FLNB: variants seen among roughly 807,000 people sequenced by gnomAD.
FLNB encodes the protein filamin B.
A neutral mutation model predicts 250.6 loss-of-function variants in FLNB; 111 were observed. The observed-to-expected ratio is 0.44, with a 90% confidence interval of 0.38 to 0.52. FLNB has a LOEUF of 0.52. Among genes scored for constraint, FLNB ranks in the 20% least tolerant of loss-of-function variants. FLNB has a pLI of 0.00. For missense variants in FLNB, 2,869 were observed against 3,447.8 expected, an observed-to-expected ratio of 0.83 and a Z score of 4.20; for synonymous variants, 1,302 against 1,372.1, an observed-to-expected ratio of 0.95 and a Z score of 1.13.
chr3:58,150,336 C>A (rs74875494), intron 38 of FLNB, 109 bp downstream of exon 38: 4 of 1,272,906 alleles, frequency 3.1e-6, no homozygotes, highest in Non-Finnish European at 4.6e-6. Context: ...GTATCCAAGT[C>A]GGCTGTGCTG....
chr3:58,022,378 A>G, intron 1 of FLNB, among the ~76,000 whole-genome samples: 1 of 152,186 alleles, frequency 6.6e-6, no homozygotes, highest in Non-Finnish European at 1.5e-5. Flanking sequence ...CCAGTGGAAC[A>G]CTTCGTTTTT....
intron 2 of FLNB, among the ~76,000 whole-genome samples, 177 bp downstream of exon 2, chr3:58,077,471 G>A (rs1221519317): frequency 6.6e-6 from 1 of 152,210 alleles, no homozygotes; most frequent in Non-Finnish European, 1.5e-5. Context: ...CCTTCCAAGG[G>A]CAGATTTTCT....
chr3:58,019,644 G>C (rs912284083), intron 1 of FLNB, among the ~76,000 whole-genome samples: 1 of 151,762 alleles, frequency 6.6e-6, no homozygotes, highest in Admixed American at 6.6e-5. Flanking sequence ...GTAGTGAGAG[G>C]GTGTAGAAGA....
Position 58,110,144 on chromosome 3 carries a change from A to G in FLNB, c.2458A>G (p.Thr820Ala), listed in dbSNP as rs1328660392. The change falls in exon 16 of 46, where the codon ACT (threonine) becomes GCT (alanine). Residue 820 changes from threonine (T) to alanine (A), a missense_variant. Thr to Ala is a moderately conservative substitution (Grantham distance 58). Transcript: ENST00000295956. Reference protein sequence around the residue: ...KYVPPAAGRYTIKVLFASQEI... With the variant: ...KYVPPAAGRYAIKVLFASQEI... Reference sequence around the variant, plus strand: ...TGTGCCTCCTGCTGCTGGGCGATACACTATCAAAGTTCTCTTTGCATCTCA... The same window carrying G: ...TGTGCCTCCTGCTGCTGGGCGATACGCTATCAAAGTTCTCTTTGCATCTCA... 1.2e-6 allele frequency: 2 copies of G among 1,614,170 alleles called. No homozygotes were observed. The highest frequency in any genetic ancestry group is 3.3e-5 in the Admixed American group (2 of 60,018).
chr3:58,125,313 T>G (rs2097295893), intron 22 of FLNB, among the ~76,000 whole-genome samples: 1 of 152,066 alleles, frequency 6.6e-6, no homozygotes, highest in African/African-American at 2.4e-5. Context: ...TTGTATTTTT[T>G]GTAGAGATGG....
chr3:58,163,171 T>C lies in FLNB; in HGVS notation c.7039T>C (p.Phe2347Leu). The C allele has an allele frequency of 6.2e-7, 1 of 1,614,224 alleles. No individual in the cohort carries two copies. ...ELEPDKYAVR[F>L]IPHENGVHTI... ...TCTCCTAGATAAGTATGCTGTTCGCTTCATCCCTCATGAGAATGGTGTCCA... is the reference window on the plus strand; with the variant it reads ...TCTCCTAGATAAGTATGCTGTTCGCCTCATCCCTCATGAGAATGGTGTCCA... Residue 2347 changes from phenylalanine (F) to leucine (L), a missense_variant, in exon 43 of 46, where the codon TTC (phenylalanine) becomes CTC (leucine). This residue lies in a region of FLNB where 1,084 missense variants were observed against 1,315.5 expected (regional missense o/e 0.82). Coordinates refer to ENST00000295956, the MANE Select transcript of FLNB (RefSeq NM_001457.4).
chr3:58,091,273 A>G (rs1015218951), intron 4 of FLNB, among the ~76,000 whole-genome samples: 2 of 152,238 alleles, frequency 1.3e-5, no homozygotes, highest in South Asian at 4.1e-4. Flanking sequence ...ACATGGAGGA[A>G]TCAGCCTTCC....
intron 18 of FLNB, among the ~76,000 whole-genome samples, chr3:58,115,364 G>A (rs968629746): frequency 3.3e-5 from 5 of 152,188 alleles, no homozygotes; most frequent in African/African-American, 9.7e-5. Flanking sequence ...AAAACATTTT[G>A]TGACTTCTGC....
chr3:58,096,210 C>A lies in FLNB; in HGVS notation c.976C>A (p.Leu326Ile). 6.2e-7 allele frequency: 1 copy of A among 1,613,192 alleles called. No individual in the cohort carries two copies. Among genetic ancestry groups the A allele is most frequent in the Non-Finnish European group, 8.5e-7 (1 of 1,179,210 alleles). The change falls in exon 6 of 46, where the codon CTA becomes ATA. Residue 326 changes from leucine (L) to isoleucine (I), a missense_variant. By Grantham distance (5) the Leu-to-Ile change is conservative. Coordinates refer to ENST00000295956, the MANE Select transcript of FLNB (RefSeq NM_001457.4). ...SVEYLPKVTG[L>I]HKVTVLFAGQ... ...GGAGTATCTGCCCAAGGTCACCGGG[C>A]TACACAAAGTAAGATGAAGCAGCAT...
intron 1 of FLNB, among the ~76,000 whole-genome samples, chr3:58,017,768 C>A (rs1440594062): frequency 6.6e-6 from 1 of 152,112 alleles, no homozygotes; most frequent in Non-Finnish European, 1.5e-5. Flanking sequence ...ACAGCATTTA[C>A]CAAAGAACAA....
chr3:58,105,404 C>G (rs544799548), intron 11 of FLNB, among the ~76,000 whole-genome samples, 188 bp downstream of exon 11: 107 of 152,342 alleles, frequency 7.0e-4, no homozygotes, highest in Non-Finnish European at 1.2e-3. Flanking sequence ...AGCATTGATT[C>G]ATTCAGGAGA....
intron 4 of FLNB, among the ~76,000 whole-genome samples, chr3:58,082,082 C>A (rs2097209961): frequency 6.6e-6 from 1 of 152,128 alleles, no homozygotes; most frequent in Non-Finnish European, 1.5e-5. Flanking sequence ...GGAGTTTGGT[C>A]TTGCCCCAGA....
intron 32 of FLNB, 81 bp from the exon 33 acceptor site, chr3:58,145,840 G>T (rs2097334985): frequency 8.2e-6 from 13 of 1,577,522 alleles, no homozygotes; most frequent in Non-Finnish European, 1.0e-5. Flanking sequence ...TAGAGAGGTG[G>T]ACGTCAAGAT....
intron 1 of FLNB, among the ~76,000 whole-genome samples, chr3:58,039,039 T>TA (rs1234201473): frequency 2.0e-3 from 284 of 141,970 alleles, no homozygotes; most frequent in African/African-American, 3.9e-3. Flanking sequence ...TTTTTTTTTT[T>TA]AAAAAAAAGA....
chr3:58,011,960 C>G (rs1190924808), intron 1 of FLNB, among the ~76,000 whole-genome samples: 1 of 152,172 alleles, frequency 6.6e-6, no homozygotes, highest in African/African-American at 2.4e-5. Context: ...CCTGTAATCC[C>G]AGCACTTTAG....
intron 1 of FLNB, among the ~76,000 whole-genome samples, chr3:58,073,741 G>A (rs1480583686): frequency 1.3e-5 from 2 of 152,118 alleles, no homozygotes; most frequent in Non-Finnish European, 2.9e-5. Flanking sequence ...GTTTTCATCT[G>A]AATGCCTAAC....
At chr3:58,031,543 CTTTTTTTTT>C (rs764190111) in intron 1 of FLNB, among the ~76,000 whole-genome samples, 30 of 77,154 alleles carry the variant, frequency 3.9e-4, no homozygotes, top group African/African-American at 1.6e-3. Flanking sequence ...CGTGCCCTGC[CTTTTTTTTT>C]TTTTTTTTTT....
chr3:58,153,723 C>G (rs767644900), intron 39 of FLNB, 82 bp downstream of exon 39: 5 of 1,532,996 alleles, frequency 3.3e-6, no homozygotes, highest in Non-Finnish European at 4.5e-6. Flanking sequence ...CTTTTTTGCC[C>G]CATTTGAAAG....
In FLNB at chr3:58,168,628, G is replaced by A. The variant is rs140098061; in HGVS notation, c.7387G>A (p.Val2463Met). 1.2e-6 allele frequency: 2 copies of A among 1,613,962 alleles called. No individual in the cohort carries two copies. The highest frequency in any genetic ancestry group is 2.2e-5 in the East Asian group (1 of 44,890). The stretch of plus-strand genomic sequence containing the variant: ...CAAATACGGTGGGCCCAACCACATC[G>A]TGGGCAGTCCCTTCAAGGCCAAGGT... ...SVKYGGPNHIVGSPFKAKVTG... is the reference protein window; with the variant it reads ...SVKYGGPNHIMGSPFKAKVTG... The change falls in exon 44 of 46, where the codon GTG (valine) becomes ATG (methionine). Residue 2463 changes from valine (V) to methionine (M), a missense_variant. By Grantham distance (21) the Val-to-Met change is conservative (BLOSUM62 1). Transcript: ENST00000295956.
Sources: allele counts gnomAD v4.1 joint callset (sites outside exome capture counted in the v4.1 genomes callset), GRCh38; gene constraint gnomAD v4.1.1; regional missense constraint gnomAD v4.1.1; transcripts MANE v1.5; gene names NCBI Gene and HGNC (gene_info 2026-07-23, HGNC 2026-07-21).